Variants in ZFPM2 observed in about 807,000 individuals in gnomAD.
ZFPM2 encodes zinc finger protein ZFPM2.
A neutral mutation model predicts 98.6 loss-of-function variants in ZFPM2; 20 were observed. The ratio of observed to expected loss-of-function variants is 0.20; its 90% CI spans 0.14 to 0.29. The LOEUF (loss-of-function observed/expected upper bound fraction) is 0.29. ZFPM2 is among the 10% of genes least tolerant of loss of function. The probability of loss-of-function intolerance (pLI) is 1.00; values close to 1 mark genes in which losing one functional copy is unlikely to be tolerated. For missense variants in ZFPM2, 1,310 were observed against 1,388.6 expected (o/e 0.94, Z 0.90); for synonymous variants, 518 against 502.7 (o/e 1.03, Z -0.41).
At chr8:105,702,628 G>A (rs1471517484) in intron 5 of ZFPM2, among the ~76,000 whole-genome samples, 1 of 152,198 alleles carries the variant, frequency 6.6e-6, no homozygotes, top group Non-Finnish European at 1.5e-5. Flanking sequence ...AAGTGTTTCA[G>A]TGTGGTAAAT....
At chr8:105,744,071 A>G (rs556535507) in intron 5 of ZFPM2, among the ~76,000 whole-genome samples, 2 of 152,116 alleles carry the variant, frequency 1.3e-5, no homozygotes, top group Non-Finnish European at 2.9e-5. Flanking sequence ...CATCATAAAT[A>G]TGCATGTTGT....
chr8:105,702,292 G>A (rs79503947), intron 5 of ZFPM2, among the ~76,000 whole-genome samples: 5 of 152,218 alleles, frequency 3.3e-5, no homozygotes, highest in Non-Finnish European at 7.3e-5. Flanking sequence ...GCCACAGAAT[G>A]TAACAGCAGC....
At chr8:105,663,232 G>A (rs1281752123) in intron 5 of ZFPM2, among the ~76,000 whole-genome samples, 6 of 152,090 alleles carry the variant, frequency 3.9e-5, no homozygotes, top group African/African-American at 1.2e-4. Context: ...CAGTTTAGTC[G>A]TGGGGGGCAA....
rs189103983 is a variant in ZFPM2 at position 105,795,646 on chromosome 8, G to T, written c.740-3078G>T. ...AAGAAAGAAATGCATGATAAGCTTAGAACACTTTATATGGAGAATTTTTAA... is the reference window on the plus strand; with the variant it reads ...AAGAAAGAAATGCATGATAAGCTTATAACACTTTATATGGAGAATTTTTAA... On this transcript the variant is annotated intron_variant, in intron 6 of 7. Coordinates refer to ENST00000407775, the MANE Select transcript of ZFPM2 (RefSeq NM_012082.4). 286 of 265,646 alleles carry T rather than the reference G, an allele frequency of 1.1e-3. 2 individuals carry two copies. Among genetic ancestry groups the T allele is most frequent in the Non-Finnish European group, 1.4e-3 (190 of 136,370 alleles). The allele number at this position is 265,646 out of a possible 1,614,324, so 16.5% of individuals were successfully genotyped here.
chr8:105,392,744 CAG>C (rs757873153), intron 1 of ZFPM2, among the ~76,000 whole-genome samples: 7 of 152,154 alleles, frequency 4.6e-5, no homozygotes, highest in Non-Finnish European at 7.4e-5. Flanking sequence ...CCAAATTAAA[CAG>C]AGTATCAGTA....
At chr8:105,327,922 T>C (rs1812144055) in intron 1 of ZFPM2, among the ~76,000 whole-genome samples, 1 of 151,828 alleles carries the variant, frequency 6.6e-6, no homozygotes, top group Admixed American at 6.6e-5. Context: ...GTAAATGCCA[T>C]GGACTGGTAA....
At chr8:105,496,432 A>G (rs1813469035) in intron 3 of ZFPM2, among the ~76,000 whole-genome samples, 1 of 152,078 alleles carries the variant, frequency 6.6e-6, no homozygotes, top group South Asian at 2.1e-4. Context: ...GACTGTCTCT[A>G]AATTTGGGTT....
At chr8:105,340,853 G>A (rs1812415748) in intron 1 of ZFPM2, among the ~76,000 whole-genome samples, 1 of 151,884 alleles carries the variant, frequency 6.6e-6, no homozygotes, top group Admixed American at 6.6e-5. Context: ...ATAAGTATAC[G>A]AAGAAAATAA....
At chr8:105,571,678 T>C (rs1254199842) in intron 4 of ZFPM2, among the ~76,000 whole-genome samples, 1 of 152,214 alleles carries the variant, frequency 6.6e-6, no homozygotes, top group Admixed American at 6.5e-5. Flanking sequence ...CAGCTTGACA[T>C]GACAATTAAT....
chr8:105,802,843 A>C lies in ZFPM2; in HGVS notation c.2761A>C (p.Asn921His), dbSNP rs757308103. The C allele has an allele frequency of 6.8e-6, 11 of 1,613,700 alleles. No homozygotes were observed. In the South Asian group the frequency reaches 1.2e-4, roughly 18 times the overall value. Residue 921 changes from asparagine (N) to histidine (H), a missense_variant, in exon 8 of 8, where the codon AAT becomes CAT. Asn to His is a moderately conservative substitution (Grantham distance 68). Transcript: ENST00000407775. ...RSIIKCEKNG[N>H]LKQPSPNGNL... ...CATAATAAAATGTGAGAAAAATGGG[A>C]ATTTGAAGCAGCCTTCCCCCAATGG...
chr8:105,770,410 G>A (rs1246699347), intron 5 of ZFPM2, among the ~76,000 whole-genome samples: 1 of 152,042 alleles, frequency 6.6e-6, no homozygotes, highest in East Asian at 1.9e-4. Flanking sequence ...TCTCACGAAA[G>A]TTAACTGAAA....
rs1296695450 is a variant in ZFPM2 at position 105,801,260 on chromosome 8, G to A, written c.1178G>A (p.Arg393Lys). ...CATGTCCCTAGCGGCAAACTTCCCAGAGAAAGTGACATGGAACACTCTCCA... is the reference window on the plus strand; with the variant it reads ...CATGTCCCTAGCGGCAAACTTCCCAAAGAAAGTGACATGGAACACTCTCCA... ...ELHVPSGKLP[R>K]ESDMEHSPSA... Residue 393 changes from arginine to lysine, a missense_variant, in exon 8 of 8, where the codon AGA becomes AAA. Transcript: ENST00000407775. 6.2e-7 allele frequency: 1 copy of A among 1,613,904 alleles called. No individual in the cohort carries two copies. The highest frequency in any genetic ancestry group is 2.2e-5 in the East Asian group (1 of 44,866).
At chr8:105,421,862 C>T (rs1337334480) in intron 2 of ZFPM2, among the ~76,000 whole-genome samples, 3 of 149,772 alleles carry the variant, frequency 2.0e-5, no homozygotes, top group Non-Finnish European at 3.0e-5. Context: ...GCCTGGCCAA[C>T]ACGGCGAAAC....
chr8:105,363,978 G>C (rs961510735), intron 1 of ZFPM2, among the ~76,000 whole-genome samples: 3 of 151,646 alleles, frequency 2.0e-5, no homozygotes, highest in African/African-American at 7.3e-5. Flanking sequence ...TGAGATATAG[G>C]TTTTTTTTCT....
At chr8:105,474,850 C>T (rs1812981038) in intron 3 of ZFPM2, among the ~76,000 whole-genome samples, 1 of 125,516 alleles carries the variant, frequency 8.0e-6, no homozygotes, top group Non-Finnish European at 1.7e-5. Context: ...TCAAGTCAAG[C>T]ATAACAAACA....
intron 5 of ZFPM2, among the ~76,000 whole-genome samples, chr8:105,652,408 AG>A (rs1370158905): frequency 2.0e-5 from 3 of 150,964 alleles, no homozygotes; most frequent in African/African-American, 7.3e-5. Flanking sequence ...GTCAAACAAC[AG>A]TAGGGTCAAC....
chr8:105,410,918 GA>G (rs1004908016), intron 1 of ZFPM2, among the ~76,000 whole-genome samples: 16 of 150,888 alleles, frequency 1.1e-4, no homozygotes, highest in Middle Eastern at 3.4e-3. Context: ...TCACTTTGGG[GA>G]AAAAAAAATT....
chr8:105,384,508 A>G (rs1297571878), intron 1 of ZFPM2, among the ~76,000 whole-genome samples: 1 of 152,054 alleles, frequency 6.6e-6, no homozygotes, highest in African/African-American at 2.4e-5. Context: ...AGGTGGGGTC[A>G]GGGAAATCAG....
chr8:105,463,477 T>C (rs1812740560), intron 3 of ZFPM2, among the ~76,000 whole-genome samples: 1 of 152,012 alleles, frequency 6.6e-6, no homozygotes, highest in Non-Finnish European at 1.5e-5. Context: ...TTTTAATGAT[T>C]GGTTATTAGC....
Sources: allele counts gnomAD v4.1 joint callset (sites outside exome capture counted in the v4.1 genomes callset), GRCh38; gene constraint gnomAD v4.1.1; transcripts MANE v1.5; gene names NCBI Gene and HGNC (gene_info 2026-07-23, HGNC 2026-07-21).